SOS1: variants seen among roughly 807,000 people sequenced by gnomAD.
SOS1 encodes the protein SOS Ras/Rac guanine nucleotide exchange factor 1.
A neutral mutation model predicts 157.6 loss-of-function variants in SOS1; 25 were observed. The ratio of observed to expected loss-of-function variants is 0.16; its 90% confidence interval spans 0.12 to 0.22. The LOEUF (loss-of-function observed/expected upper bound fraction) is 0.22. Among genes scored for constraint, SOS1 ranks in the 10% least tolerant of loss-of-function variants. The pLI is 1.00. For missense variants in SOS1, 1,237 were observed against 1,599.1 expected, an observed-to-expected ratio of 0.77 and a Z score of 3.86; for synonymous variants, 528 against 534.0, an observed-to-expected ratio of 0.99 and a Z score of 0.16.
At position 38,996,091 on chromosome 2, in the gene SOS1, C is replaced by CT. The variant is rs373919767; in HGVS notation, c.3082-705dup. ...TCTATGTTTAATTCAGGATTCTTGA[C>CT]TTTTTTTTTTTGAGACGAGTCTTGC... On this transcript the variant is annotated intron_variant, in intron 19 of 22. Transcript: ENST00000402219. 6.3e-4 allele frequency among the ~76,000 whole-genome samples: 93 copies of CT among 146,964 alleles called. 1 individual carries two copies. The highest frequency in any genetic ancestry group is 3.6e-3 in the Middle Eastern group (1 of 276).
At chr2:39,034,727 T>C (rs1393265172) in intron 8 of SOS1, 3 of 451,684 alleles carry the variant, frequency 6.6e-6, no homozygotes, top group Non-Finnish European at 8.9e-6. Context: ...AACAGTTTAA[T>C]ACAGATAGTT....
chr2:39,093,474 G>A (rs1167362763), intron 1 of SOS1, among the ~76,000 whole-genome samples: 2 of 152,028 alleles, frequency 1.3e-5, no homozygotes, highest in Admixed American at 6.6e-5. Context: ...CAATGCCATT[G>A]CCAAGTATAT....
intron 1 of SOS1, among the ~76,000 whole-genome samples, chr2:39,075,866 C>T (rs1671953960): frequency 6.6e-6 from 1 of 151,872 alleles, no homozygotes; most frequent in African/African-American, 2.4e-5. Context: ...TGAACAAATT[C>T]CTAAAAATTA....
upstream of SOS1, among the ~76,000 whole-genome samples, chr2:39,122,682 A>C (rs779880831): frequency 7.2e-5 from 11 of 152,264 alleles, no homozygotes; most frequent in Admixed American, 4.6e-4. Context: ...GAAAGCTGGA[A>C]TTATAGGCGC....
intron 2 of SOS1, among the ~76,000 whole-genome samples, chr2:39,062,382 C>T (rs980648274): frequency 3.5e-5 from 5 of 142,728 alleles, no homozygotes; most frequent in Non-Finnish European, 7.5e-5. Flanking sequence ...CACACCACTG[C>T]ACTCCAGCCT....
chr2:38,988,536 TATAAA>T (rs1437697936), intron 21 of SOS1, among the ~76,000 whole-genome samples: 2 of 152,168 alleles, frequency 1.3e-5, no homozygotes, highest in African/African-American at 4.8e-5. Flanking sequence ...TGTCACATGT[TATAAA>T]ATATAGAACT....
chr2:39,113,842 G>C (rs1004580614), intron 1 of SOS1, among the ~76,000 whole-genome samples: 1 of 152,140 alleles, frequency 6.6e-6, no homozygotes, highest in Non-Finnish European at 1.5e-5. Flanking sequence ...ACCCAATCTT[G>C]AATCTCTTTT....
chr2:39,034,895 C>A (rs1160502765), intron 8 of SOS1: 3 of 479,590 alleles, frequency 6.3e-6, no homozygotes, highest in Non-Finnish European at 1.2e-5. Flanking sequence ...TTCAAAGAAT[C>A]AGCCATGTAA....
chr2:39,097,258 T>C (rs1022551629), intron 1 of SOS1, among the ~76,000 whole-genome samples: 9 of 152,196 alleles, frequency 5.9e-5, no homozygotes, highest in Admixed American at 3.9e-4. Flanking sequence ...ATTGAAGAGA[T>C]GCAAATATGA....
intron 1 of SOS1, among the ~76,000 whole-genome samples, chr2:39,077,705 C>T (rs1672063631): frequency 6.6e-6 from 1 of 151,978 alleles, no homozygotes; most frequent in Non-Finnish European, 1.5e-5. Flanking sequence ...AAACAAGAGC[C>T]AGTAGTATAG....
chr2:39,010,829 G>A, intron 14 of SOS1, 126 bp from the exon 15 acceptor site: 1 of 734,870 alleles, frequency 1.4e-6, no homozygotes, highest in Non-Finnish European at 2.3e-6. Flanking sequence ...CCAACAGAAA[G>A]GTCTGTGAAA....
At chr2:39,013,746 T>C in intron 12 of SOS1, 121 bp downstream of exon 12, 1 of 964,552 alleles carries the variant, frequency 1.0e-6, no homozygotes, top group African/African-American at 1.6e-5. Context: ...CTCTAATTAG[T>C]AAATTTAATT....
intron 1 of SOS1, 26 bp from the exon 2 acceptor site, chr2:39,067,779 A>C (rs1553364613): frequency 1.2e-6 from 2 of 1,606,402 alleles, no homozygotes; most frequent in Non-Finnish European, 1.7e-6. Flanking sequence ...AAAGTAATTA[A>C]AATGTGGGTT....
At chr2:39,116,351 C>A (rs1468099790) in intron 1 of SOS1, among the ~76,000 whole-genome samples, 1 of 152,190 alleles carries the variant, frequency 6.6e-6, no homozygotes, top group African/African-American at 2.4e-5. Context: ...GTTACTAGAT[C>A]CTGTCAATTT....
chr2:39,047,006 A>G (rs575480846), intron 6 of SOS1, among the ~76,000 whole-genome samples: 7 of 152,272 alleles, frequency 4.6e-5, no homozygotes, highest in Admixed American at 4.6e-4. Context: ...AACTTTACAT[A>G]AAGTCTGCAA....
intron 20 of SOS1, among the ~76,000 whole-genome samples, chr2:38,989,732 T>C (rs963731): frequency 0.9 from 136,805 of 152,106 alleles, 61,889 homozygotes; most frequent in Non-Finnish European, 0.95. Flanking sequence ...AAGTTACTAA[T>C]TATATGTCTT....
rs570589195 is a variant in SOS1 at position 38,986,897 on chromosome 2, T to C, written c.3510+576A>G. Among the ~76,000 whole-genome samples, 7 of 152,296 alleles carry C rather than the reference T, an allele frequency of 4.6e-5. No homozygotes were observed. In the South Asian group the frequency reaches 1.5e-3, roughly 32 times the overall value. On this transcript the variant is annotated intron_variant, in intron 22 of 22. Coordinates refer to ENST00000402219, the MANE Select transcript of SOS1 (RefSeq NM_005633.4). ...GAAGTTCTACAAAGAGTGTCTTGTC[T>C]TGACTTATCCTGGTGCTCTGCACTC...
intron 4 of SOS1, among the ~76,000 whole-genome samples, chr2:39,055,469 T>C (rs929447562): frequency 6.6e-6 from 1 of 152,192 alleles, no homozygotes; most frequent in Non-Finnish European, 1.5e-5. Flanking sequence ...TGTGTAAACA[T>C]GTAGTAGGTA....
At chr2:39,011,236 C>T (rs113944305) in intron 14 of SOS1, among the ~76,000 whole-genome samples, 4,494 of 152,208 alleles carry the variant, frequency 0.03, 229 homozygotes, top group African/African-American at 0.1. Flanking sequence ...ATGGAAATAC[C>T]TGTGTACTTT....
Sources: allele counts gnomAD v4.1 joint callset (sites outside exome capture counted in the v4.1 genomes callset), GRCh38; gene constraint gnomAD v4.1.1; transcripts MANE v1.5; gene names NCBI Gene and HGNC (gene_info 2026-07-23, HGNC 2026-07-21).